The following ANKRD18A variants were observed in gnomAD, a reference collection of about 807,000 sequenced individuals.
ANKRD18A encodes the protein ankyrin repeat domain-containing protein 18A.
In ANKRD18A, 72 loss-of-function variants were observed where a neutral mutation model predicts 110.6. The observed-to-expected ratio is 0.65, with a 90% confidence interval of 0.54 to 0.79. The LOEUF (loss-of-function observed/expected upper bound fraction) is 0.79, where lower values mean the gene tolerates loss of function less well. ANKRD18A is among the 30% of genes least tolerant of loss of function. The pLI, the probability that ANKRD18A is intolerant of heterozygous loss-of-function variation, is 0.00. For missense variants in ANKRD18A, 934 were observed against 1,163.3 expected (o/e 0.80, Z 2.87); for synonymous variants, 305 against 410.3 (o/e 0.74, Z 3.10).
intron 10 of ANKRD18A, among the ~76,000 whole-genome samples, chr9:38,589,900 T>C (rs367723120): frequency 2.0e-5 from 3 of 152,214 alleles, no homozygotes; most frequent in African/African-American, 7.2e-5. Context: ...TTCCCTAATA[T>C]AAATTTCCAG....
chr9:38,617,949 A>G (rs1029584156), intron 1 of ANKRD18A, among the ~76,000 whole-genome samples: 4 of 152,172 alleles, frequency 2.6e-5, no homozygotes, highest in African/African-American at 4.8e-5. Flanking sequence ...TAAGACTACA[A>G]CTATAATGAA....
downstream of ANKRD18A, chr9:38,571,179 G>C: frequency 6.5e-7 from 1 of 1,533,302 alleles, no homozygotes. Flanking sequence ...TGATGGGAAG[G>C]GCTCGCCTGT....
intron 1 of ANKRD18A, 127 bp downstream of exon 1, chr9:38,619,953 G>T: frequency 1.7e-6 from 2 of 1,178,266 alleles, no homozygotes; most frequent in Non-Finnish European, 2.3e-6. Context: ...AGCAGCTGAG[G>T]CTCCATTTGG....
At chr9:38,602,155 T>C (rs1825143790) in intron 7 of ANKRD18A, among the ~76,000 whole-genome samples, 1 of 150,466 alleles carries the variant, frequency 6.6e-6, no homozygotes, top group Admixed American at 6.7e-5. Flanking sequence ...GCACATCAGG[T>C]CTTTGCATGT....
chr9:38,611,916 C>T lies in ANKRD18A; in HGVS notation c.496-595G>A, dbSNP rs193170556. ...TTTGCCTAATCTCAATTTGACAATG[C>T]TTTTTGTGGCAAACATTAACATTTT... On this transcript the variant is annotated intron_variant, in intron 3 of 15. Coordinates refer to ENST00000399703, the MANE Select transcript of ANKRD18A (RefSeq NM_147195.4). 1.8e-4 allele frequency among the ~76,000 whole-genome samples: 28 copies of T among 152,274 alleles called. No homozygotes were observed. In the East Asian group the frequency reaches 4.8e-3, roughly 26 times the overall value.
At chr9:38,593,646 T>C in intron 10 of ANKRD18A, 114 bp downstream of exon 10, 1 of 1,087,682 alleles carries the variant, frequency 9.2e-7, no homozygotes, top group Non-Finnish European at 1.2e-6. Flanking sequence ...ATGGTAATGA[T>C]CAATTATAAT....
intron 15 of ANKRD18A, among the ~76,000 whole-genome samples, chr9:38,574,826 A>T (rs1823806691): frequency 6.6e-6 from 1 of 152,038 alleles, no homozygotes; most frequent in Admixed American, 6.6e-5. Context: ...CTGGGCACAG[A>T]GGCTCACCCC....
At chr9:38,614,493 T>C (rs985982071) in intron 3 of ANKRD18A, among the ~76,000 whole-genome samples, 22 of 152,172 alleles carry the variant, frequency 1.4e-4, no homozygotes, top group African/African-American at 4.6e-4. Context: ...TTATTAGATC[T>C]ATTACATCAA....
chr9:38,603,825 C>T (rs573431871), intron 6 of ANKRD18A, among the ~76,000 whole-genome samples: 3 of 152,190 alleles, frequency 2.0e-5, no homozygotes, highest in Non-Finnish European at 4.4e-5. Flanking sequence ...GCTCCCTACC[C>T]AAGAGCAGTT....
chr9:38,586,707 G>T (rs1337806793), intron 11 of ANKRD18A, among the ~76,000 whole-genome samples: 2 of 151,918 alleles, frequency 1.3e-5, no homozygotes, highest in East Asian at 3.9e-4. Context: ...CTGGGATTAC[G>T]GGCATGTGCC....
intron 5 of ANKRD18A, 23 bp downstream of exon 5, chr9:38,610,250 G>A (rs754197114): frequency 3.2e-5 from 48 of 1,497,696 alleles, no homozygotes; most frequent in African/African-American, 4.3e-5. Context: ...AGTATTAACC[G>A]GTCTTTTAAT....
At chr9:38,604,675 G>A (rs1318096808) in intron 6 of ANKRD18A, among the ~76,000 whole-genome samples, 2 of 151,294 alleles carry the variant, frequency 1.3e-5, no homozygotes, top group Non-Finnish European at 2.9e-5. Context: ...TATTGAACTT[G>A]TATCTAGACA....
downstream of ANKRD18A, among the ~76,000 whole-genome samples, chr9:38,570,335 G>A (rs1491000326): frequency 6.6e-6 from 1 of 152,054 alleles, no homozygotes; most frequent in Non-Finnish European, 1.5e-5. Context: ...CCAGCTGACT[G>A]AGCCCCCTCT....
chr9:38,574,977 C>T (rs1306839306), intron 15 of ANKRD18A, among the ~76,000 whole-genome samples: 1 of 151,762 alleles, frequency 6.6e-6, no homozygotes, highest in African/African-American at 2.4e-5. Flanking sequence ...ACCTGTAGTC[C>T]CAGCTACTTG....
Position 38,616,055 on chromosome 9 carries a change from G to A in ANKRD18A, c.207-11C>T, listed in dbSNP as rs780628918. 5.3e-5 allele frequency: 82 copies of A among 1,533,016 alleles called. No individual in the cohort carries two copies. The highest frequency in any genetic ancestry group is 1.7e-4 in the Middle Eastern group (1 of 5,886). 95.0% of individuals were successfully genotyped at this position (1,533,016 alleles called of 1,614,324 possible). ...AAATGTAGAACAGTCCTAGGAGAGC[G>A]AGAGGGGTTTTCAGGAAATGTAGTG... On this transcript the variant is annotated splice_polypyrimidine_tract_variant and intron_variant, in intron 1 of 15. Transcript: ENST00000399703.
At chr9:38,588,728 T>C in intron 10 of ANKRD18A, 65 bp from the exon 11 acceptor site, 1 of 1,043,418 alleles carries the variant, frequency 9.6e-7, no homozygotes, top group Non-Finnish European at 1.3e-6. Flanking sequence ...CTTAAAAATA[T>C]TATTTCTCAT....
At chr9:38,581,032 T>C (rs1334848741) in intron 12 of ANKRD18A, among the ~76,000 whole-genome samples, 1 of 152,196 alleles carries the variant, frequency 6.6e-6, no homozygotes, top group Non-Finnish European at 1.5e-5. Flanking sequence ...TTTCTCCAAC[T>C]TCCTAGGGAA....
chr9:38,594,496 T>A (rs1346331233), intron 9 of ANKRD18A, among the ~76,000 whole-genome samples: 2 of 152,170 alleles, frequency 1.3e-5, no homozygotes, highest in East Asian at 3.9e-4. Flanking sequence ...ATAAAAATAT[T>A]CACAGTAAAT....
chr9:38,606,464 AT>A (rs1260496675), intron 6 of ANKRD18A, among the ~76,000 whole-genome samples: 4 of 152,208 alleles, frequency 2.6e-5, no homozygotes, highest in Admixed American at 1.3e-4. Context: ...CAGTAAGTAT[AT>A]TTTTTTCTTT....
Sources: allele counts gnomAD v4.1 joint callset (sites outside exome capture counted in the v4.1 genomes callset), GRCh38; gene constraint gnomAD v4.1.1; transcripts MANE v1.5; gene names NCBI Gene and HGNC (gene_info 2026-07-23, HGNC 2026-07-21).